FRMD4A: variants seen among roughly 807,000 people sequenced by gnomAD.
FRMD4A encodes the protein FERM domain containing 4A.
In FRMD4A, 29 loss-of-function variants were observed where a neutral mutation model predicts 129.1. The observed-to-expected ratio is 0.22, with a 90% CI of 0.17 to 0.31. FRMD4A has a LOEUF of 0.31. Among genes scored for constraint, FRMD4A ranks in the 10% least tolerant of loss-of-function variants. The pLI is 1.00. For synonymous variants in FRMD4A, 634 were observed against 571.6 expected (o/e 1.11, Z -1.56); for missense variants, 1,272 against 1,375.8 (o/e 0.92, Z 1.19).
chr10:13,739,971 A>T (rs753069863), intron 11 of FRMD4A, among the ~76,000 whole-genome samples: 1 of 152,288 alleles, frequency 6.6e-6, no homozygotes, highest in East Asian at 1.9e-4. Context: ...GTGGTGGCGC[A>T]TGCCTGTAAT....
chr10:14,097,028 A>C (rs1245558791), intron 2 of FRMD4A: 1 of 150,348 alleles, frequency 6.7e-6, no homozygotes, highest in Non-Finnish European at 1.5e-5. Flanking sequence ...CCAGCTACTC[A>C]GGAGGATGAA....
In FRMD4A at chr10:13,747,741, G is replaced by C. The variant is rs199655112; in HGVS notation, c.543C>G (p.Ala181=). 3.2e-6 allele frequency: 5 copies of C among 1,566,864 alleles called. No individual in the cohort carries two copies. Among genetic ancestry groups the C allele is most frequent in the Non-Finnish European group, 4.4e-6 (5 of 1,137,082 alleles). ...TQALKEHPSL[A]YCEDRVIEHY... ...GAAGACTCCAGGGGTCTTACCAGTA[G>C]GCCAGGGAAGGGTGCTCCTTCAGGG... Residue 181 remains alanine, a synonymous_variant, in exon 9 of 25, where the codon GCC becomes GCG. Coordinates refer to ENST00000357447, the MANE Select transcript of FRMD4A (RefSeq NM_018027.5).
chr10:14,016,218 C>A (rs1276906659), intron 2 of FRMD4A, among the ~76,000 whole-genome samples: 1 of 151,844 alleles, frequency 6.6e-6, no homozygotes, highest in African/African-American at 2.4e-5. Flanking sequence ...GGGAACTTCA[C>A]GTGCTAATTG....
intron 6 of FRMD4A, among the ~76,000 whole-genome samples, chr10:13,770,016 C>G (rs2092411062): frequency 6.6e-6 from 1 of 152,106 alleles, no homozygotes; most frequent in African/African-American, 2.4e-5. Flanking sequence ...CATAAGAAGT[C>G]TCTTTCTGTA....
At chr10:14,102,822 T>A (rs977000850) in intron 2 of FRMD4A, among the ~76,000 whole-genome samples, 4 of 150,676 alleles carry the variant, frequency 2.7e-5, no homozygotes, top group South Asian at 2.1e-4. Flanking sequence ...GGCTTGGGAG[T>A]TCTCATTTTG....
At chr10:14,162,132 A>C (rs1676402057) in intron 2 of FRMD4A, among the ~76,000 whole-genome samples, 1 of 152,094 alleles carries the variant, frequency 6.6e-6, no homozygotes, top group Admixed American at 6.5e-5. Context: ...TTTTGTATAA[A>C]ACCTTCAAAA....
At chr10:14,216,738 T>C (rs1843087375) in intron 2 of FRMD4A, among the ~76,000 whole-genome samples, 1 of 152,076 alleles carries the variant, frequency 6.6e-6, no homozygotes, top group Non-Finnish European at 1.5e-5. Flanking sequence ...TCTCTTTGTT[T>C]TTCTCCTTTT....
intron 14 of FRMD4A, among the ~76,000 whole-genome samples, chr10:13,698,670 C>T (rs533024777): frequency 2.0e-5 from 3 of 152,320 alleles, no homozygotes; most frequent in African/African-American, 7.2e-5. Flanking sequence ...AAACGTGGTG[C>T]CATCTGACCA....
chr10:14,063,877 G>A (rs554038794), intron 2 of FRMD4A, among the ~76,000 whole-genome samples: 2 of 152,114 alleles, frequency 1.3e-5, no homozygotes, highest in Non-Finnish European at 1.5e-5. Context: ...CTAAAAAACC[G>A]CCCCAGGAGT....
intron 2 of FRMD4A, among the ~76,000 whole-genome samples, chr10:14,286,353 C>T (rs768066454): frequency 1.8e-4 from 28 of 152,188 alleles, no homozygotes; most frequent in Admixed American, 5.2e-4. Flanking sequence ...GAGACGCTCC[C>T]GTGTCCCTCA....
intron 19 of FRMD4A, among the ~76,000 whole-genome samples, chr10:13,662,164 A>G (rs1163343400): frequency 1.3e-5 from 2 of 152,160 alleles, no homozygotes; most frequent in East Asian, 3.9e-4. Flanking sequence ...AGACTGGGAT[A>G]CTCAGAGGCC....
intron 2 of FRMD4A, among the ~76,000 whole-genome samples, chr10:14,157,853 T>C (rs1840678025): frequency 6.6e-6 from 1 of 151,924 alleles, no homozygotes. Flanking sequence ...ACCCTAAGTC[T>C]TAAGACCCTA....
intron 21 of FRMD4A, among the ~76,000 whole-genome samples, chr10:13,658,156 AAG>A (rs1564534360): frequency 6.7e-6 from 1 of 148,774 alleles, no homozygotes; most frequent in African/African-American, 2.5e-5. Context: ...AAAAAAAAAA[AAG>A]AAAACACAAA....
chr10:13,761,622 CACA>C (rs754106364), intron 8 of FRMD4A, 22 bp downstream of exon 8: 4 of 1,576,470 alleles, frequency 2.5e-6, no homozygotes, highest in Non-Finnish European at 3.5e-6. Context: ...TTTTAAACAA[CACA>C]ACAACAAAAT....
At chr10:14,197,877 C>T (rs891214064) in intron 2 of FRMD4A, among the ~76,000 whole-genome samples, 3 of 152,206 alleles carry the variant, frequency 2.0e-5, no homozygotes, top group African/African-American at 7.2e-5. Context: ...GTAATTTCCA[C>T]GAGACAGAAT....
intron 2 of FRMD4A, among the ~76,000 whole-genome samples, chr10:13,954,300 G>A (rs569187425): frequency 5.2e-4 from 79 of 152,300 alleles, no homozygotes; most frequent in Middle Eastern, 6.8e-3. Flanking sequence ...ATGGACTCAC[G>A]GTTTCACATG....
At chr10:14,152,117 C>CTT (rs36023583) in intron 2 of FRMD4A, among the ~76,000 whole-genome samples, 1,367 of 54,136 alleles carry the variant, frequency 0.025, 384 homozygotes, top group African/African-American at 0.045. Flanking sequence ...TTGTGTAGTG[C>CTT]TTTTTTTTTT....
intron 2 of FRMD4A, among the ~76,000 whole-genome samples, chr10:13,970,770 G>A (rs1055322469): frequency 1.3e-5 from 2 of 152,166 alleles, no homozygotes; most frequent in Non-Finnish European, 2.9e-5. Context: ...TGAAGTCTCC[G>A]CGGCCAGCAG....
chr10:13,937,443 C>A (rs1327032351), intron 2 of FRMD4A, among the ~76,000 whole-genome samples: 1 of 152,188 alleles, frequency 6.6e-6, no homozygotes, highest in Non-Finnish European at 1.5e-5. Flanking sequence ...CAACCCAACG[C>A]CCAGCCTTTA....
Sources: allele counts gnomAD v4.1 joint callset (sites outside exome capture counted in the v4.1 genomes callset), GRCh38; gene constraint gnomAD v4.1.1; transcripts MANE v1.5; gene names NCBI Gene and HGNC (gene_info 2026-07-23, HGNC 2026-07-21).